The following EPC2 variants were observed in gnomAD, a reference collection of about 807,000 sequenced individuals.
EPC2 encodes enhancer of polycomb homolog 2.
In EPC2, 14 loss-of-function variants were observed where a neutral mutation model predicts 92.1. That is an observed-to-expected ratio of 0.15 (90% CI 0.10 to 0.24). EPC2 has a LOEUF of 0.24. Ranked by LOEUF, EPC2 falls within the 10% of genes least tolerant of loss-of-function variation. The pLI, the probability that EPC2 is intolerant of heterozygous loss-of-function variation, is 1.00. For synonymous variants in EPC2, 340 were observed against 334.7 expected (o/e 1.02, Z -0.17); for missense variants, 755 against 971.5 (o/e 0.78, Z 2.96).
At chr2:148,660,704 C>T (rs751174643) in intron 1 of EPC2, among the ~76,000 whole-genome samples, 8 of 151,718 alleles carry the variant, frequency 5.3e-5, no homozygotes, top group Non-Finnish European at 8.8e-5. Flanking sequence ...GTATACACTG[C>T]GTTGTAGATC....
At chr2:148,692,566 A>AT (rs1350771535) in intron 2 of EPC2, 1 of 151,936 alleles carries the variant, frequency 6.6e-6, no homozygotes, top group African/African-American at 2.4e-5. Flanking sequence ...ATTTATGTAT[A>AT]TTTTTTTCTC....
At chr2:148,755,208 C>G (rs1683163018) in intron 4 of EPC2, among the ~76,000 whole-genome samples, 1 of 151,384 alleles carries the variant, frequency 6.6e-6, no homozygotes, top group Non-Finnish European at 1.5e-5. Flanking sequence ...TTCCCTAACC[C>G]AGACTTGAGT....
chr2:148,775,607 A>T (rs1014286095), intron 10 of EPC2, among the ~76,000 whole-genome samples: 5 of 142,940 alleles, frequency 3.5e-5, no homozygotes, highest in Non-Finnish European at 6.1e-5. Flanking sequence ...AAATATTTAA[A>T]TATTTAATTA....
chr2:148,645,259 C>G (rs986981803), intron 1 of EPC2, 89 bp downstream of exon 1: 176 of 1,187,446 alleles, frequency 1.5e-4, no homozygotes, highest in Non-Finnish European at 1.9e-4. Context: ...GCGCTTTACG[C>G]TCGCTGGAGG....
chr2:148,645,229 C>T (rs990157836), intron 1 of EPC2, 59 bp downstream of exon 1: 38 of 1,407,926 alleles, frequency 2.7e-5, no homozygotes, highest in Non-Finnish European at 3.4e-5. Context: ...CTTTGTCAGT[C>T]GGGCCTCGCC....
intron 1 of EPC2, among the ~76,000 whole-genome samples, chr2:148,653,872 T>G (rs1680735141): frequency 6.6e-6 from 1 of 152,170 alleles, no homozygotes; most frequent in Non-Finnish European, 1.5e-5. Flanking sequence ...GGTAAATTAC[T>G]TAACCTCATT....
At chr2:148,653,503 C>A (rs565982122) in intron 1 of EPC2, among the ~76,000 whole-genome samples, 2 of 152,246 alleles carry the variant, frequency 1.3e-5, no homozygotes, top group South Asian at 4.1e-4. Context: ...CATGCAGAAC[C>A]GCTTCTTACA....
At chr2:148,755,549 T>C (rs1683173417) in intron 4 of EPC2, among the ~76,000 whole-genome samples, 1 of 152,190 alleles carries the variant, frequency 6.6e-6, no homozygotes, top group South Asian at 2.1e-4. Context: ...AATACTGTAC[T>C]TTTACTGTAC....
chr2:148,717,906 T>A (rs1037459508), intron 2 of EPC2, among the ~76,000 whole-genome samples: 2 of 152,222 alleles, frequency 1.3e-5, no homozygotes, highest in Non-Finnish European at 2.9e-5. Flanking sequence ...CTCTAAGAAC[T>A]TGCTTTATGA....
At chr2:148,672,764 G>T (rs1055842258) in intron 1 of EPC2, among the ~76,000 whole-genome samples, 3 of 151,968 alleles carry the variant, frequency 2.0e-5, no homozygotes, top group Non-Finnish European at 2.9e-5. Flanking sequence ...TTCTCTATTT[G>T]CCTATATATT....
At chr2:148,673,760 A>G (rs1381582085) in intron 1 of EPC2, among the ~76,000 whole-genome samples, 1 of 151,412 alleles carries the variant, frequency 6.6e-6, no homozygotes, top group East Asian at 1.9e-4. Flanking sequence ...ATATTTTTGT[A>G]TTTTCAGTGG....
At chr2:148,665,071 T>C (rs1681031933) in intron 1 of EPC2, among the ~76,000 whole-genome samples, 1 of 152,240 alleles carries the variant, frequency 6.6e-6, no homozygotes, top group South Asian at 2.1e-4. Context: ...ACTTTGCTAC[T>C]TGAGTTTGGT....
intron 2 of EPC2, among the ~76,000 whole-genome samples, chr2:148,699,874 G>T (rs1009625593): frequency 2.6e-5 from 4 of 152,082 alleles, no homozygotes; most frequent in Non-Finnish European, 5.9e-5. Flanking sequence ...CTATTGCCCC[G>T]CATCCTTATC....
chr2:148,772,077 G>A (rs1683534676), intron 10 of EPC2, among the ~76,000 whole-genome samples: 1 of 152,110 alleles, frequency 6.6e-6, no homozygotes, highest in African/African-American at 2.4e-5. Flanking sequence ...AGGATTACAG[G>A]CATGAGCCAC....
chr2:148,757,565 T>C (rs961819536), intron 4 of EPC2, among the ~76,000 whole-genome samples: 5 of 152,036 alleles, frequency 3.3e-5, no homozygotes, highest in African/African-American at 9.7e-5. Context: ...TGGCTGGGCA[T>C]GGAGCCTCAG....
intron 1 of EPC2, among the ~76,000 whole-genome samples, chr2:148,654,398 G>A (rs922967928): frequency 7.2e-5 from 11 of 152,122 alleles, no homozygotes; most frequent in Non-Finnish European, 1.5e-4. Flanking sequence ...CTGTGATAGA[G>A]TTTCACATTT....
intron 1 of EPC2, among the ~76,000 whole-genome samples, chr2:148,648,307 C>T (rs1240684556): frequency 1.3e-5 from 2 of 152,152 alleles, no homozygotes; most frequent in Admixed American, 1.3e-4. Flanking sequence ...AAATTCATTT[C>T]TCTGGTCTTA....
Position 148,784,865 on chromosome 2 carries a change from G to A in EPC2, c.2215G>A (p.Val739Ile), listed in dbSNP as rs1353024552. The part of the protein sequence containing the change: ...NAVHLNNVSV[V>I]SPVNVHINTR... Reference sequence around the variant, plus strand: ...AGTGCACCTCAATAATGTCAGTGTTGTTTCTCCAGTCAATGTGCATATCAA... The same window carrying A: ...AGTGCACCTCAATAATGTCAGTGTTATTTCTCCAGTCAATGTGCATATCAA... Residue 739 changes from valine to isoleucine, a missense_variant, in exon 13 of 14, where the codon GTT becomes ATT. Val to Ile is a conservative substitution (Grantham distance 29). Around this residue, in one of 4 missense-constraint regions of EPC2, gnomAD observed 207 missense variants for 260.5 expected, o/e 0.79. Coordinates refer to ENST00000258484, the MANE Select transcript of EPC2 (RefSeq NM_015630.4). 1.9e-6 allele frequency: 3 copies of A among 1,613,086 alleles called. No homozygotes were observed. Among genetic ancestry groups the A allele is most frequent in the Middle Eastern group, 1.6e-4 (1 of 6,082 alleles).
At chr2:148,775,714 TAA>T (rs1166606462) in intron 10 of EPC2, among the ~76,000 whole-genome samples, 1,396 of 7,470 alleles carry the variant, frequency 0.19, 23 homozygotes, top group African/African-American at 0.31. Flanking sequence ...CTTTATTAAA[TAA>T]AAAATTAAAT....
Sources: allele counts gnomAD v4.1 joint callset (sites outside exome capture counted in the v4.1 genomes callset), GRCh38; gene constraint gnomAD v4.1.1; regional missense constraint gnomAD v4.1.1; transcripts MANE v1.5; gene names NCBI Gene and HGNC (gene_info 2026-07-23, HGNC 2026-07-21).